Variants in CD2AP observed in about 807,000 individuals in gnomAD.
CD2AP encodes CD2 associated protein.
A neutral mutation model predicts 85.1 loss-of-function variants in CD2AP; 46 were observed. That is an observed-to-expected ratio of 0.54 (90% CI 0.43 to 0.69). The LOEUF is 0.69. Ranked by LOEUF, CD2AP falls within the 30% of genes least tolerant of loss-of-function variation. The pLI, the probability that CD2AP is intolerant of heterozygous loss-of-function variation, is 0.00. For synonymous variants in CD2AP, 255 were observed against 252.9 expected, an observed-to-expected ratio of 1.01 and a Z score of -0.08; for missense variants, 769 against 729.5, an observed-to-expected ratio of 1.05 and a Z score of -0.62.
At chr6:47,583,496 G>A (rs952955170) in intron 11 of CD2AP, among the ~76,000 whole-genome samples, 8 of 152,040 alleles carry the variant, frequency 5.3e-5, no homozygotes, top group Non-Finnish European at 1.2e-4. Flanking sequence ...TTTCCAGAGT[G>A]TCATATAGTT....
intron 1 of CD2AP, among the ~76,000 whole-genome samples, chr6:47,501,843 T>G (rs1204678536): frequency 4.6e-5 from 7 of 152,212 alleles, no homozygotes; most frequent in Admixed American, 2.0e-4. Flanking sequence ...AATCCTGTTA[T>G]TAAAAGAGGT....
At chr6:47,555,633 G>C (rs867401730) in intron 5 of CD2AP, among the ~76,000 whole-genome samples, 6 of 152,104 alleles carry the variant, frequency 3.9e-5, no homozygotes, top group South Asian at 2.1e-4. Flanking sequence ...AGATTGCTCA[G>C]ACTGCTTATG....
At chr6:47,550,988 T>C (rs760735034) in intron 4 of CD2AP, among the ~76,000 whole-genome samples, 78 of 152,180 alleles carry the variant, frequency 5.1e-4, no homozygotes, top group Non-Finnish European at 1.0e-3. Flanking sequence ...GCTATGAGGA[T>C]GCAAAGGCAT....
intron 2 of CD2AP, among the ~76,000 whole-genome samples, chr6:47,512,227 A>C (rs760856329): frequency 6.6e-6 from 1 of 152,024 alleles, no homozygotes; most frequent in East Asian, 1.9e-4. Flanking sequence ...CTGTAGTCCC[A>C]GCCACCCAGG....
chr6:47,580,794 A>C (rs999084962), intron 9 of CD2AP, 70 bp from the exon 10 acceptor site: 5 of 988,482 alleles, frequency 5.1e-6, no homozygotes, highest in Non-Finnish European at 8.1e-6. Flanking sequence ...GATTATTACT[A>C]ATTAGAGTTT....
At chr6:47,540,265 A>G (rs1767176605) in intron 3 of CD2AP, among the ~76,000 whole-genome samples, 1 of 151,234 alleles carries the variant, frequency 6.6e-6, no homozygotes, top group Non-Finnish European at 1.5e-5. Context: ...TTTTATTGAC[A>G]CCTCTCTTCT....
chr6:47,506,603 C>T (rs1229126373), intron 2 of CD2AP, among the ~76,000 whole-genome samples: 4 of 112,132 alleles, frequency 3.6e-5, no homozygotes, highest in African/African-American at 6.6e-5. Context: ...GGCTGGAGAC[C>T]GGCCCGGCCA....
chr6:47,510,276 G>A (rs940131393), intron 2 of CD2AP, among the ~76,000 whole-genome samples: 1 of 152,182 alleles, frequency 6.6e-6, no homozygotes, highest in Non-Finnish European at 1.5e-5. Context: ...ACAAATATAT[G>A]TATTCCTCAG....
At chr6:47,614,628 A>T (rs1769532308) in intron 17 of CD2AP, among the ~76,000 whole-genome samples, 1 of 152,242 alleles carries the variant, frequency 6.6e-6, no homozygotes, top group South Asian at 2.1e-4. Context: ...AATTGTCAAA[A>T]TGTGACACAG....
chr6:47,571,682 G>A (rs1406000515), intron 5 of CD2AP, among the ~76,000 whole-genome samples: 2 of 152,144 alleles, frequency 1.3e-5, no homozygotes, highest in African/African-American at 4.8e-5. Context: ...AACATGAGCA[G>A]CTTGTGAAGA....
intron 11 of CD2AP, among the ~76,000 whole-genome samples, chr6:47,591,642 A>T (rs1485349103): frequency 6.6e-6 from 1 of 152,106 alleles, no homozygotes; most frequent in Admixed American, 6.6e-5. Context: ...CAATTAATGC[A>T]GTAGGACATT....
At chr6:47,619,638 C>G (rs1447713982) in intron 17 of CD2AP, among the ~76,000 whole-genome samples, 1 of 152,210 alleles carries the variant, frequency 6.6e-6, no homozygotes, top group South Asian at 2.1e-4. Flanking sequence ...TTAAAGGAAT[C>G]TCTGCACTGT....
At chr6:47,589,242 A>C (rs1409618660) in intron 11 of CD2AP, among the ~76,000 whole-genome samples, 1 of 152,000 alleles carries the variant, frequency 6.6e-6, no homozygotes, top group Non-Finnish European at 1.5e-5. Flanking sequence ...GGAAGGTGCT[A>C]TTCTGGAAGT....
chr6:47,547,966 C>G (rs1169778983), intron 4 of CD2AP, among the ~76,000 whole-genome samples: 1 of 152,048 alleles, frequency 6.6e-6, no homozygotes, highest in Non-Finnish European at 1.5e-5. Flanking sequence ...TTAAAAAATT[C>G]TTCTTACTGA....
chr6:47,539,481 G>C (rs1259094290), intron 3 of CD2AP, among the ~76,000 whole-genome samples: 1 of 152,196 alleles, frequency 6.6e-6, no homozygotes, highest in African/African-American at 2.4e-5. Context: ...TGACTAGACT[G>C]TATGAGCTAT....
intron 13 of CD2AP, among the ~76,000 whole-genome samples, chr6:47,604,973 G>T (rs936335466): frequency 1.3e-5 from 2 of 151,766 alleles, no homozygotes; most frequent in African/African-American, 4.8e-5. Context: ...CTTTTTTTCT[G>T]CCTTACCTTT....
intron 11 of CD2AP, among the ~76,000 whole-genome samples, chr6:47,594,101 T>G (rs1405342253): frequency 6.6e-6 from 1 of 152,068 alleles, no homozygotes; most frequent in Non-Finnish European, 1.5e-5. Context: ...CCATAGAAGA[T>G]AGAAGGCAGG....
At chr6:47,604,829 C>G (rs1024853249) in intron 13 of CD2AP, among the ~76,000 whole-genome samples, 1 of 151,924 alleles carries the variant, frequency 6.6e-6, no homozygotes, top group South Asian at 2.1e-4. Flanking sequence ...AAACAAAAAT[C>G]AAGCATATTA....
intron 11 of CD2AP, among the ~76,000 whole-genome samples, chr6:47,595,124 C>T (rs565091541): frequency 6.6e-6 from 1 of 152,072 alleles, no homozygotes; most frequent in South Asian, 2.1e-4. Context: ...CCTGAAAGAT[C>T]AGGAAGCAGG....
Sources: gnomAD v4.1 joint callset for allele counts (sites outside exome capture counted in the v4.1 genomes callset) on GRCh38, gnomAD v4.1.1 for gene constraint, MANE v1.5 for transcripts, NCBI Gene and HGNC (gene_info 2026-07-23, HGNC 2026-07-21) for gene names.